The following OVOL1 variants were observed in gnomAD, a reference collection of about 807,000 sequenced individuals.
OVOL1 encodes ovo like transcriptional repressor 1, also known as putative transcription factor Ovo-like 1.
In OVOL1, 10 loss-of-function variants were observed where a neutral mutation model predicts 21.5. The observed-to-expected ratio is 0.46, with a 90% CI of 0.29 to 0.79. The LOEUF (loss-of-function observed/expected upper bound fraction) is 0.79. Among genes scored for constraint, OVOL1 ranks in the 30% least tolerant of loss-of-function variants. The pLI, the probability that OVOL1 is intolerant of heterozygous loss-of-function variation, is 0.10. For missense variants in OVOL1, 279 were observed against 362.3 expected (o/e 0.77, Z 1.87); for synonymous variants, 129 against 150.3 (o/e 0.86, Z 1.03).
At chr11:65,788,326 G>A (rs774859510) in intron 1 of OVOL1, 4 of 267,318 alleles carry the variant, frequency 1.5e-5, no homozygotes, top group African/African-American at 2.3e-5. Flanking sequence ...TCCCCTGAAC[G>A]CCCCAAGAAC....
At chr11:65,791,526 G>A (rs3759034) in intron 1 of OVOL1, among the ~76,000 whole-genome samples, 19,043 of 152,232 alleles carry the variant, frequency 0.13, 1,265 homozygotes, top group East Asian at 0.23. Flanking sequence ...GGGGGGACCC[G>A]GCACTTTCCC....
Position 65,794,198 on chromosome 11 carries a change from T to G in OVOL1, c.268T>G (p.Leu90Val). The G allele has an allele frequency of 6.2e-7, 1 of 1,613,598 alleles. No individual in the cohort carries two copies. The highest frequency in any genetic ancestry group is 8.5e-7 in the Non-Finnish European group (1 of 1,180,040). The change falls in exon 2 of 4, where the codon TTG becomes GTG. Residue 90 changes from leucine to valine, a missense_variant. Transcript: ENST00000335987. ...AQLPSEDMGH[L>V]TDPQSRDHGF... ...GCTGCCCTCTGAAGACATGGGCCACTTGACAGACCCCCAGAGCAGAGACCA... is the reference window on the plus strand; with the variant it reads ...GCTGCCCTCTGAAGACATGGGCCACGTGACAGACCCCCAGAGCAGAGACCA...
chr11:65,795,352 C>T lies in OVOL1; in HGVS notation c.*11C>T. The T allele has an allele frequency of 6.4e-7, 1 of 1,568,640 alleles. No individual in the cohort carries two copies. The highest frequency in any genetic ancestry group is 8.6e-7 in the Non-Finnish European group (1 of 1,160,628). ...AGCCCCCACCTGTGAGTGGCTCGAG[C>T]CCTGGGGGTGCTCCTGGAAGCCCCA... On this transcript the variant is annotated 3_prime_UTR_variant, in exon 4 of 4. Coordinates refer to ENST00000335987, the MANE Select transcript of OVOL1 (RefSeq NM_004561.4). This position sits in a 1 kb window ranked among gnomAD's most constrained non-coding sequence, Gnocchi z 5.7.
At chr11:65,793,997 C>T (rs644740) in intron 1 of OVOL1, 34 bp from the exon 2 acceptor site, 723,438 of 1,571,010 alleles carry the variant, frequency 0.46, 169,817 homozygotes, top group Admixed American at 0.61. Flanking sequence ...CTCTCTTCTC[C>T]ACCAAGCCTC....
chr11:65,792,727 A>G (rs913767357), intron 1 of OVOL1, among the ~76,000 whole-genome samples: 4 of 152,236 alleles, frequency 2.6e-5, no homozygotes, highest in African/African-American at 4.8e-5. Context: ...CGGCGGGTGC[A>G]TTCTTCTCTC....
At chr11:65,794,929 C>T (rs962423803) in intron 3 of OVOL1, 117 bp from the exon 4 acceptor site, 2 of 1,127,308 alleles carry the variant, frequency 1.8e-6, no homozygotes, top group African/African-American at 3.1e-5. Context: ...TTGGACAGGC[C>T]TCCGTCCATC....
At chr11:65,793,493 C>G (rs1457496812) in intron 1 of OVOL1, among the ~76,000 whole-genome samples, 1 of 152,224 alleles carries the variant, frequency 6.6e-6, no homozygotes, top group Non-Finnish European at 1.5e-5. Context: ...GAGCCTGGAG[C>G]CCTGGGGTGC....
intron 1 of OVOL1, chr11:65,790,260 A>G (rs1455118940): frequency 1.3e-5 from 2 of 152,074 alleles, no homozygotes; most frequent in Non-Finnish European, 2.9e-5. Context: ...CCAGGCCAGG[A>G]AAGGACCTGA....
rs908635505 is a variant in OVOL1, at chr11:65,797,179, T to C, written c.*1838T>C. Reference sequence around the variant, plus strand: ...GCTCTGTGTTGTCTGTTTTATTTTATAACCTTCCTCTCAACTATTAAAATT... The same window carrying C: ...GCTCTGTGTTGTCTGTTTTATTTTACAACCTTCCTCTCAACTATTAAAATT... On this transcript the variant is annotated 3_prime_UTR_variant, in exon 4 of 4. Coordinates refer to ENST00000335987, the MANE Select transcript of OVOL1 (RefSeq NM_004561.4). The C allele has an allele frequency of 2.0e-5, 3 of 152,250 alleles. No individual in the cohort carries two copies. The highest frequency in any genetic ancestry group is 1.3e-4 in the Admixed American group (2 of 15,286). 9.4% of individuals were successfully genotyped at this position (152,250 alleles called of 1,614,324 possible).
intron 2 of OVOL1, 143 bp from the exon 3 acceptor site, chr11:65,794,395 C>A: frequency 2.8e-6 from 3 of 1,066,302 alleles, no homozygotes; most frequent in Middle Eastern, 2.1e-4. Flanking sequence ...GATCTCCGGG[C>A]AGACGGCACA....
chr11:65,788,550 G>C, intron 1 of OVOL1: 9 of 985,442 alleles, frequency 9.1e-6, no homozygotes, highest in Non-Finnish European at 1.1e-5. Flanking sequence ...CCCAGGCCTT[G>C]TAGGAAAGTG....
Position 65,795,662 on chromosome 11 carries a change from G to A in OVOL1, c.*321G>A. On this transcript the variant is annotated 3_prime_UTR_variant, in exon 4 of 4. Coordinates refer to ENST00000335987, the MANE Select transcript of OVOL1 (RefSeq NM_004561.4). This position sits in a 1 kb window ranked among gnomAD's most constrained non-coding sequence, Gnocchi z 5.7. ...CACAGAGACAGGCACTGTGTGCCTG[G>A]CAGCAGGACTTCCTACCCAGAGGAG... is the stretch of plus-strand genomic sequence containing the variant. 2.3e-6 allele frequency: 1 copy of A among 434,164 alleles called. No individual in the cohort carries two copies. The allele number at this position is 434,164 out of a possible 1,614,324, so 26.9% of individuals were successfully genotyped here. A position where few individuals can be genotyped will look rare whatever the true frequency, so the allele number is the denominator to read the frequency against.
rs1202550985 is a variant in OVOL1, at chr11:65,794,681, C to A, written c.462C>A (p.Gly154=). ...KRHLCTYCGK[G]FNDTFDLKRH... ...ACCTCTGCACGTACTGCGGGAAGGG[C>A]TTCAATGACACCTTCGACCTCAAGA... Residue 154 remains glycine, a synonymous_variant, in exon 3 of 4, where the codon GGC becomes GGA. Transcript: ENST00000335987. 1 of 1,613,736 alleles carries A rather than the reference C, an allele frequency of 6.2e-7. No homozygotes were observed. The highest frequency in any genetic ancestry group is 8.5e-7 in the Non-Finnish European group (1 of 1,180,018).
chr11:65,791,958 C>T (rs534329595), intron 1 of OVOL1, among the ~76,000 whole-genome samples: 25 of 152,366 alleles, frequency 1.6e-4, no homozygotes, highest in African/African-American at 2.9e-4. Flanking sequence ...AGAAGGGACA[C>T]GCTCATGGGG....
At chr11:65,791,831 T>A (rs920152246) in intron 1 of OVOL1, among the ~76,000 whole-genome samples, 4 of 152,222 alleles carry the variant, frequency 2.6e-5, no homozygotes, top group African/African-American at 9.7e-5. Context: ...AACATCTAAT[T>A]AGGGACAGAG....
intron 1 of OVOL1, chr11:65,788,487 G>A: frequency 5.1e-6 from 5 of 984,646 alleles, no homozygotes; most frequent in Non-Finnish European, 6.0e-6. Flanking sequence ...GGGAGGGGAG[G>A]AGTAATTAAC....
intron 1 of OVOL1, among the ~76,000 whole-genome samples, chr11:65,791,863 C>T (rs1415185019): frequency 1.3e-5 from 2 of 152,252 alleles, no homozygotes; most frequent in African/African-American, 4.8e-5. Flanking sequence ...CAGGGCCCAA[C>T]CAGTTCTGCT....
chr11:65,790,125 T>G (rs1857985827), intron 1 of OVOL1: 1 of 149,512 alleles, frequency 6.7e-6, no homozygotes, highest in African/African-American at 2.5e-5. Context: ...GCTGGTTCCT[T>G]GAGGATAAAC....
rs1411114272 is a variant in OVOL1 at position 65,796,936 on chromosome 11, AG to A, written c.*1596del. The A allele has an allele frequency of 3.3e-5, 5 of 152,216 alleles. No individual in the cohort carries two copies. The highest frequency in any genetic ancestry group is 4.8e-5 in the African/African-American group (2 of 41,462). 9.4% of individuals were successfully genotyped at this position (152,216 alleles called of 1,614,324 possible). On this transcript the variant is annotated 3_prime_UTR_variant, in exon 4 of 4. Transcript: ENST00000335987. ...CGTCCCCGGGCTCAGGCTCAGGCCC[AG>A]CCCTGGGCTGACCTGAGAGGAAGGC... is the stretch of plus-strand genomic sequence containing the variant.
Sources: allele counts gnomAD v4.1 joint callset (sites outside exome capture counted in the v4.1 genomes callset), GRCh38; gene constraint gnomAD v4.1.1; non-coding constraint Gnocchi (gnomAD v3.1); transcripts MANE v1.5; gene names NCBI Gene and HGNC (gene_info 2026-07-23, HGNC 2026-07-21).